Variants in DLD observed in about 807,000 individuals in gnomAD.
DLD encodes the protein dihydrolipoyl dehydrogenase, mitochondrial.
Under a neutral mutation model 62.2 loss-of-function variants are expected in DLD, and 36 were observed. The observed-to-expected ratio is 0.58, with a 90% CI of 0.44 to 0.76. The LOEUF (loss-of-function observed/expected upper bound fraction) is 0.76, where lower values mean the gene tolerates loss of function less well. Among genes scored for constraint, DLD ranks in the 30% least tolerant of loss-of-function variants. The pLI is 0.00. For missense variants in DLD, 541 were observed against 608.6 expected, an observed-to-expected ratio of 0.89 and a Z score of 1.17; for synonymous variants, 204 against 199.6, an observed-to-expected ratio of 1.02 and a Z score of -0.19.
At chr7:107,902,482 T>A in intron 4 of DLD, 89 bp downstream of exon 4, 1 of 1,129,544 alleles carries the variant, frequency 8.9e-7, no homozygotes, top group South Asian at 1.2e-5. Flanking sequence ...ACAAATACAC[T>A]TGTTAAAAAA....
intron 2 of DLD, among the ~76,000 whole-genome samples, chr7:107,897,870 GA>G (rs2031768548): frequency 6.6e-6 from 1 of 151,982 alleles, no homozygotes; most frequent in African/African-American, 2.4e-5. Flanking sequence ...CTGACTTCTT[GA>G]GATACATCTT....
At chr7:107,918,133 A>G (rs776874124) in intron 12 of DLD, 72 bp downstream of exon 12, 19 of 1,550,310 alleles carry the variant, frequency 1.2e-5, no homozygotes, top group Non-Finnish European at 1.7e-5. Flanking sequence ...ATTATAAACC[A>G]CCTGGTGTTA....
In DLD at chr7:107,919,111, C is replaced by G. The variant is rs1339645040; in HGVS notation, c.1464+12C>G. The G allele has an allele frequency of 6.2e-7, 1 of 1,612,790 alleles. No individual in the cohort carries two copies. The highest frequency in any genetic ancestry group is 1.1e-5 in the South Asian group (1 of 91,052). On this transcript the variant is annotated intron_variant, in intron 13 of 13. Coordinates refer to ENST00000205402, the MANE Select transcript of DLD (RefSeq NM_000108.5). ...GTCATGCACATCCGGTAATTATTAA[C>G]AACATATAGAATTGATGGTTGCCTA...
intron 4 of DLD, among the ~76,000 whole-genome samples, 160 bp from the exon 5 acceptor site, chr7:107,903,318 C>T (rs547209528): frequency 2.0e-4 from 30 of 152,220 alleles, no homozygotes; most frequent in Non-Finnish European, 3.5e-4. Flanking sequence ...GCGGAGGTTG[C>T]GGTGAGCTGA....
intron 8 of DLD, among the ~76,000 whole-genome samples, chr7:107,912,435 C>T (rs887970153): frequency 2.6e-5 from 4 of 152,108 alleles, no homozygotes; most frequent in African/African-American, 9.7e-5. Flanking sequence ...TACTAACTTA[C>T]ATTCCCACTA....
Position 107,919,015 on chromosome 7 carries a change from T to C in DLD, c.1380T>C (p.Ala460=). ...CTTGGCTTGTTATTTTAAAGGGTGC[T>C]GGAGAAATGGTAAATGAAGCTGCTC... ...VLGAHILGPG[A]GEMVNEAALA... Residue 460 remains alanine, a synonymous_variant, in exon 13 of 14, where the codon GCT becomes GCC. Coordinates refer to ENST00000205402, the MANE Select transcript of DLD (RefSeq NM_000108.5). 6.2e-7 allele frequency: 1 copy of C among 1,613,850 alleles called. No homozygotes were observed.
Position 107,921,170 on chromosome 7 carries a change from C to T in DLD, c.*1911C>T, listed in dbSNP as rs1000267401. On this transcript the variant is annotated 3_prime_UTR_variant, in exon 14 of 14. Transcript: ENST00000205402. Reference sequence around the variant, plus strand: ...ATTTATCTGTATGGGGAATAAAGTCCTAGGAATAAAACAAGTTTTAAGTGT... The same window carrying T: ...ATTTATCTGTATGGGGAATAAAGTCTTAGGAATAAAACAAGTTTTAAGTGT... The T allele has an allele frequency of 6.6e-6, 1 of 152,240 alleles. No individual in the cohort carries two copies. Among genetic ancestry groups the T allele is most frequent in the Non-Finnish European group, 1.5e-5 (1 of 68,016 alleles). The allele number at this position is 152,240 out of a possible 1,614,324, so 9.4% of individuals were successfully genotyped here. A position where few individuals can be genotyped will look rare whatever the true frequency, so the allele number is the denominator to read the frequency against.
chr7:107,916,580 G>C (rs1255725726), intron 9 of DLD, among the ~76,000 whole-genome samples: 2 of 152,056 alleles, frequency 1.3e-5, no homozygotes, highest in Non-Finnish European at 2.9e-5. Flanking sequence ...GCTGAGGCAG[G>C]AGAATCTCTG....
At chr7:107,898,925 C>T (rs952248322) in intron 2 of DLD, among the ~76,000 whole-genome samples, 1 of 152,134 alleles carries the variant, frequency 6.6e-6, no homozygotes, top group South Asian at 2.1e-4. Context: ...TTATTCTTGA[C>T]AAGGAGAGGG....
intron 2 of DLD, among the ~76,000 whole-genome samples, chr7:107,894,641 A>G (rs183916435): frequency 6.6e-6 from 1 of 152,170 alleles, no homozygotes; most frequent in Non-Finnish European, 1.5e-5. Context: ...TTCATGGCTA[A>G]CTCTATACCT....
At chr7:107,903,733 C>T (rs949712492) in intron 5 of DLD, 186 bp downstream of exon 5, 1 of 465,674 alleles carries the variant, frequency 2.1e-6, no homozygotes. Context: ...TTCTCCCAGC[C>T]AAGTATAACC....
At chr7:107,915,880 G>A (rs987110599) in intron 9 of DLD, among the ~76,000 whole-genome samples, 184 bp downstream of exon 9, 12 of 152,088 alleles carry the variant, frequency 7.9e-5, no homozygotes, top group African/African-American at 2.9e-4. Context: ...TTAGGTTAAT[G>A]CTAGAAAGAG....
intron 2 of DLD, among the ~76,000 whole-genome samples, chr7:107,894,629 T>G (rs1287727972): frequency 6.6e-6 from 1 of 152,214 alleles, no homozygotes; most frequent in Non-Finnish European, 1.5e-5. Flanking sequence ...TAAAGGATAT[T>G]TTTCATGGCT....
At chr7:107,895,296 C>A (rs1436384144) in intron 2 of DLD, among the ~76,000 whole-genome samples, 1 of 152,144 alleles carries the variant, frequency 6.6e-6, no homozygotes, top group Non-Finnish European at 1.5e-5. Flanking sequence ...GAGTTTTCTT[C>A]CTTACATGAG....
chr7:107,892,768 G>A (rs1331741428), intron 1 of DLD, among the ~76,000 whole-genome samples: 6 of 152,022 alleles, frequency 3.9e-5, no homozygotes, highest in Non-Finnish European at 5.9e-5. Flanking sequence ...GGCTGGTCTC[G>A]AACTCCTGAC....
intron 4 of DLD, among the ~76,000 whole-genome samples, chr7:107,902,772 G>A (rs535196308): frequency 1.4e-4 from 21 of 152,238 alleles, no homozygotes; most frequent in Admixed American, 4.6e-4. Context: ...CTGCCACCCT[G>A]AAGTGTGTAC....
chr7:107,919,414 C>G lies in DLD; in HGVS notation c.*155C>G. 1 of 603,172 alleles carries G rather than the reference C, an allele frequency of 1.7e-6. No homozygotes were observed. The highest frequency in any genetic ancestry group is 2.9e-6 in the Non-Finnish European group (1 of 349,108). 37.4% of individuals were successfully genotyped at this position (603,172 alleles called of 1,614,324 possible). A position where few individuals can be genotyped will look rare whatever the true frequency, so the allele number is the denominator to read the frequency against. ...TAATAGGTTTGGACAAAATGGAATACTCTTATATCTATATTTTACATAAAT... is the reference window on the plus strand; with the variant it reads ...TAATAGGTTTGGACAAAATGGAATAGTCTTATATCTATATTTTACATAAAT... On this transcript the variant is annotated 3_prime_UTR_variant, in exon 14 of 14. Coordinates refer to ENST00000205402, the MANE Select transcript of DLD (RefSeq NM_000108.5).
chr7:107,902,046 A>C (rs1198503614), intron 3 of DLD, among the ~76,000 whole-genome samples: 1 of 152,194 alleles, frequency 6.6e-6, no homozygotes, highest in Non-Finnish European at 1.5e-5. Flanking sequence ...TCATTTTGGC[A>C]TCTAATCACA....
chr7:107,909,229 A>C (rs771094339), intron 8 of DLD, among the ~76,000 whole-genome samples: 7 of 152,192 alleles, frequency 4.6e-5, no homozygotes, highest in Non-Finnish European at 7.3e-5. Flanking sequence ...TTGTTCACTC[A>C]TACTCATTAT....
Sources: allele counts gnomAD v4.1 joint callset (sites outside exome capture counted in the v4.1 genomes callset), GRCh38; gene constraint gnomAD v4.1.1; transcripts MANE v1.5; gene names NCBI Gene and HGNC (gene_info 2026-07-23, HGNC 2026-07-21).